TMEM74: variants seen among roughly 807,000 people sequenced by gnomAD.
The protein encoded by TMEM74 is transmembrane protein 74.
In TMEM74, 13 loss-of-function variants were observed where a neutral mutation model predicts 18.1. The observed-to-expected ratio is 0.72, with a 90% CI of 0.47 to 1.14. The LOEUF is 1.14. Ranked by LOEUF, TMEM74 falls within the 50% of genes most tolerant of loss-of-function variation. The probability of loss-of-function intolerance (pLI) is 0.00; values close to 1 mark genes in which losing one functional copy is unlikely to be tolerated. For synonymous variants in TMEM74, 159 were observed against 146.6 expected (o/e 1.08, Z -0.61); for missense variants, 372 against 375.9 (o/e 0.99, Z 0.09).
chr8:108,694,412 A>G (rs984958197), intron 1 of TMEM74, among the ~76,000 whole-genome samples: 60 of 152,238 alleles, frequency 3.9e-4, no homozygotes, highest in African/African-American at 1.4e-3. Context: ...GCTGAGTGAA[A>G]AAAAACCCAG....
intron 1 of TMEM74, among the ~76,000 whole-genome samples, chr8:108,739,152 A>C (rs1813775065): frequency 6.6e-6 from 1 of 152,196 alleles, no homozygotes; most frequent in Non-Finnish European, 1.5e-5. Flanking sequence ...TAAATAAATA[A>C]ATAACAATTA....
chr8:108,720,301 A>C (rs1256874189), intron 1 of TMEM74, among the ~76,000 whole-genome samples: 1 of 152,234 alleles, frequency 6.6e-6, no homozygotes, highest in Non-Finnish European at 1.5e-5. Flanking sequence ...TTGTCAGCCC[A>C]ACTACAGTTA....
In TMEM74 at chr8:108,667,944, C is replaced by G. The variant is rs145449773; in HGVS notation, n.120-12507G>C. 8.7e-4 allele frequency among the ~76,000 whole-genome samples: 133 copies of G among 152,226 alleles called. 2 individuals are homozygous for G. The highest frequency in any genetic ancestry group is 3.2e-3 in the African/African-American group (132 of 41,550). ...TGTCATCTGCTTCATTTTATGGACA[C>G]CAGTGATTTTCCTGTAGTGGAATAA... On this transcript the variant is annotated intron_variant and non_coding_transcript_variant, in intron 1 of 3. Transcript: ENST00000518838.
chr8:108,647,463 A>T (rs10099503), intron 2 of TMEM74, among the ~76,000 whole-genome samples: 19,619 of 152,126 alleles, frequency 0.13, 1,693 homozygotes, highest in East Asian at 0.42. Context: ...ACTAATGTTT[A>T]GTACTAGAAA....
At chr8:108,617,885 G>A (rs142892653) in intron 2 of TMEM74, among the ~76,000 whole-genome samples, 105 of 152,264 alleles carry the variant, frequency 6.9e-4, no homozygotes, top group African/African-American at 2.3e-3. Context: ...CAGTTTTCCT[G>A]AGACCTTTCT....
intron 1 of TMEM74, among the ~76,000 whole-genome samples, chr8:108,756,599 A>AAAGAGAAAGGGAGGAAGGAAGGAAGG (rs1586286218): frequency 2.9e-4 from 15 of 51,548 alleles, no homozygotes; most frequent in South Asian, 5.8e-4. Context: ...AAAGAAAGAG[A>AAAGAGAAAGGGAGGAAGGAAGGAAGG]AAGGAAGGAA....
intron 1 of TMEM74, among the ~76,000 whole-genome samples, chr8:108,761,824 C>A (rs1298565344): frequency 6.6e-6 from 1 of 151,876 alleles, no homozygotes; most frequent in Non-Finnish European, 1.5e-5. Context: ...GGGTTTATTA[C>A]AAAAAATATA....
chr8:108,756,895 A>C (rs1333108488), intron 1 of TMEM74, among the ~76,000 whole-genome samples: 1 of 152,056 alleles, frequency 6.6e-6, no homozygotes, highest in Non-Finnish European at 1.5e-5. Flanking sequence ...GAGTCCATAC[A>C]CATTGCAGGA....
intron 1 of TMEM74, among the ~76,000 whole-genome samples, chr8:108,725,031 A>C (rs1240437887): frequency 1.3e-5 from 2 of 152,090 alleles, no homozygotes; most frequent in Non-Finnish European, 2.9e-5. Flanking sequence ...CTTCATTCAC[A>C]AGCTACAGCC....
chr8:108,655,042 C>G (rs556263571), intron 2 of TMEM74, among the ~76,000 whole-genome samples: 2 of 152,022 alleles, frequency 1.3e-5, no homozygotes, highest in Admixed American at 1.3e-4. Context: ...GAAAGAACAT[C>G]GATTTTCCTT....
At chr8:108,684,933 C>T (rs937298940) in intron 1 of TMEM74, among the ~76,000 whole-genome samples, 2 of 151,800 alleles carry the variant, frequency 1.3e-5, no homozygotes. Context: ...TTTATGGTTT[C>T]ATGAAAATTT....
chr8:108,784,725 C>A lies in TMEM74; in HGVS notation c.374G>T (p.Arg125Leu). The A allele has an allele frequency of 6.2e-7, 1 of 1,614,146 alleles. No individual in the cohort carries two copies. Among genetic ancestry groups the A allele is most frequent in the Non-Finnish European group, 8.5e-7 (1 of 1,180,026 alleles). ...DKNINLEQRN[R>L]SSPSAKGHNH... ...ATGCCCTTTTGCTGATGGCGAGCTC[C>A]GGTTCCGCTGCTCCAAGTTGATGTT... Residue 125 changes from arginine to leucine, a missense_variant, in exon 2 of 2, where the codon CGG (arginine) becomes CTG (leucine). Transcript: ENST00000297459.
intron 2 of TMEM74, among the ~76,000 whole-genome samples, chr8:108,647,278 G>A (rs1204114820): frequency 6.6e-6 from 1 of 152,094 alleles, no homozygotes; most frequent in Admixed American, 6.6e-5. Context: ...TTATCCCTGA[G>A]CTCCTAATTT....
chr8:108,693,282 C>T (rs1813248634), intron 1 of TMEM74, among the ~76,000 whole-genome samples: 1 of 151,876 alleles, frequency 6.6e-6, no homozygotes, highest in African/African-American at 2.4e-5. Flanking sequence ...AGTAAAATAA[C>T]AACAAAAAAG....
At chr8:108,715,666 A>G (rs951699032) in intron 1 of TMEM74, among the ~76,000 whole-genome samples, 1 of 152,192 alleles carries the variant, frequency 6.6e-6, no homozygotes, top group Non-Finnish European at 1.5e-5. Context: ...CACACTTTCT[A>G]TATCACTGGA....
At chr8:108,645,161 A>G (rs1378854931) in intron 2 of TMEM74, among the ~76,000 whole-genome samples, 1 of 152,152 alleles carries the variant, frequency 6.6e-6, no homozygotes, top group Non-Finnish European at 1.5e-5. Flanking sequence ...ACCATGGAAT[A>G]CTACACGCCA....
intron 1 of TMEM74, among the ~76,000 whole-genome samples, chr8:108,673,436 A>G (rs2130592004): frequency 6.6e-6 from 1 of 152,290 alleles, no homozygotes; most frequent in African/African-American, 2.4e-5. Flanking sequence ...GGCACCAAGA[A>G]ATGAGGGGAA....
Position 108,661,369 on chromosome 8 carries a change from C to T in TMEM74, n.120-5932G>A, listed in dbSNP as rs1368988152. On this transcript the variant is annotated intron_variant and non_coding_transcript_variant, in intron 1 of 3. Coordinates refer to the TMEM74 transcript ENST00000518838. ...CTGGTCTTTTATCTTTTTCCTCTCC[C>T]TTGCAGCTCTTTTTTTTTTTTTTTT... is the stretch of plus-strand genomic sequence containing the variant. 2.2e-5 allele frequency among the ~76,000 whole-genome samples: 3 copies of T among 136,124 alleles called. No individual in the cohort carries two copies. The Admixed American group carries it at 2.2e-4, about 10-fold the overall frequency. 89.3% of individuals were successfully genotyped at this position (136,124 alleles called of 152,430 possible).
intron 2 of TMEM74, among the ~76,000 whole-genome samples, chr8:108,628,144 T>G (rs1812514677): frequency 6.6e-6 from 1 of 152,068 alleles, no homozygotes; most frequent in African/African-American, 2.4e-5. Flanking sequence ...TGAGTTATGC[T>G]CAGGATCATC....
Sources: gnomAD v4.1 joint callset for allele counts (sites outside exome capture counted in the v4.1 genomes callset) on GRCh38, gnomAD v4.1.1 for gene constraint, MANE v1.5 for transcripts, NCBI Gene and HGNC (gene_info 2026-07-23, HGNC 2026-07-21) for gene names.